Variants in LUZP2 observed in about 807,000 individuals in gnomAD.
The protein encoded by LUZP2 is leucine zipper protein 2.
Under a neutral mutation model 51.6 loss-of-function variants are expected in LUZP2, and 52 were observed. The ratio of observed to expected loss-of-function variants is 1.01; its 90% CI spans 0.81 to 1.27. LUZP2 has a LOEUF of 1.27. LUZP2 is among the 50% of genes most tolerant of loss of function. LUZP2 has a pLI of 0.00. For missense variants in LUZP2, 436 were observed against 395.4 expected, an observed-to-expected ratio of 1.10 and a Z score of -0.87; for synonymous variants, 154 against 137.3, an observed-to-expected ratio of 1.12 and a Z score of -0.85.
intron 5 of LUZP2, among the ~76,000 whole-genome samples, chr11:24,764,988 A>G (rs1315354553): frequency 6.6e-6 from 1 of 152,196 alleles, no homozygotes; most frequent in East Asian, 1.9e-4. Flanking sequence ...TCTGCTAAAT[A>G]TGAGTTTTAT....
chr11:24,582,430 G>C (rs898042165), intron 1 of LUZP2, among the ~76,000 whole-genome samples: 1 of 150,684 alleles, frequency 6.6e-6, no homozygotes, highest in African/African-American at 2.4e-5. Context: ...ACAGTACATA[G>C]GATGTATGTC....
At chr11:24,814,560 A>G (rs1564929139) in intron 5 of LUZP2, among the ~76,000 whole-genome samples, 1 of 152,204 alleles carries the variant, frequency 6.6e-6, no homozygotes, top group Non-Finnish European at 1.5e-5. Flanking sequence ...TTCTAGAGAA[A>G]GTCCTTCCTT....
chr11:24,548,411 T>A (rs1320952765), intron 1 of LUZP2, among the ~76,000 whole-genome samples: 1 of 152,016 alleles, frequency 6.6e-6, no homozygotes, highest in African/African-American at 2.4e-5. Flanking sequence ...GCAACATGGA[T>A]GGCGCTGGAA....
chr11:24,541,572 G>C (rs1851365563), intron 1 of LUZP2, among the ~76,000 whole-genome samples: 3 of 152,030 alleles, frequency 2.0e-5, no homozygotes, highest in Admixed American at 1.3e-4. Flanking sequence ...TGGATGTTTT[G>C]TTGAATTCTC....
intron 7 of LUZP2, among the ~76,000 whole-genome samples, chr11:24,953,825 A>G (rs1855142737): frequency 6.6e-6 from 1 of 152,036 alleles, no homozygotes. Flanking sequence ...TATTTATTCA[A>G]TGATTAGCAA....
At chr11:24,886,517 G>C (rs913485177) in intron 5 of LUZP2, among the ~76,000 whole-genome samples, 3 of 152,108 alleles carry the variant, frequency 2.0e-5, no homozygotes, top group Non-Finnish European at 4.4e-5. Flanking sequence ...TTCTAGCTGG[G>C]AGAAAAATTT....
chr11:24,556,734 G>A (rs958290474), intron 1 of LUZP2, among the ~76,000 whole-genome samples: 8 of 152,122 alleles, frequency 5.3e-5, no homozygotes, highest in Admixed American at 2.0e-4. Context: ...AGGCCATGAT[G>A]ATCTCTGTCC....
chr11:24,894,146 T>C (rs148131382), intron 5 of LUZP2, among the ~76,000 whole-genome samples: 1 of 151,878 alleles, frequency 6.6e-6, no homozygotes, highest in East Asian at 2.0e-4. Context: ...TAAATAAATA[T>C]TTTTAACGAA....
At chr11:24,895,403 G>A (rs1853008428) in intron 5 of LUZP2, among the ~76,000 whole-genome samples, 2 of 151,912 alleles carry the variant, frequency 1.3e-5, no homozygotes, top group Non-Finnish European at 2.9e-5. Flanking sequence ...GGGTGCATGT[G>A]TAGGTGTGTT....
intron 4 of LUZP2, among the ~76,000 whole-genome samples, chr11:24,739,468 A>G (rs577703343): frequency 6.6e-6 from 1 of 152,054 alleles, no homozygotes; most frequent in African/African-American, 2.4e-5. Context: ...TGGAGCATCA[A>G]TGAGAGAGTC....
chr11:24,844,567 G>A (rs1470167427), intron 5 of LUZP2, among the ~76,000 whole-genome samples: 1 of 152,154 alleles, frequency 6.6e-6, no homozygotes, highest in African/African-American at 2.4e-5. Flanking sequence ...GCAGCCAAAT[G>A]TTAATCCCCA....
At chr11:25,020,370 C>A (rs190981666) in intron 9 of LUZP2, among the ~76,000 whole-genome samples, 139 of 152,176 alleles carry the variant, frequency 9.1e-4, no homozygotes, top group African/African-American at 3.1e-3. Flanking sequence ...CCCATTTACC[C>A]TATTGTCTTC....
At position 24,778,977 on chromosome 11, in the gene LUZP2, C is replaced by T. The variant is rs563562129; in HGVS notation, c.396+15669C>T. On this transcript the variant is annotated intron_variant, in intron 5 of 11. Transcript: ENST00000336930. ...TCATTAGTATTTCAAACAGGTGACT[C>T]TAAAATGTGTTTGGATTTGCCTAGA... Among the ~76,000 whole-genome samples the T allele has an allele frequency of 4.1e-4, 63 of 152,256 alleles. 1 individual carries two copies. The highest frequency in any genetic ancestry group is 3.4e-3 in the Admixed American group (52 of 15,294).
chr11:24,511,644 T>C (rs1259145561), intron 1 of LUZP2, among the ~76,000 whole-genome samples: 2 of 152,206 alleles, frequency 1.3e-5, no homozygotes, highest in African/African-American at 4.8e-5. Flanking sequence ...TAGGGCGTGC[T>C]ATCTGAGGTG....
chr11:24,563,160 A>G (rs1852108182), intron 1 of LUZP2, among the ~76,000 whole-genome samples: 2 of 152,334 alleles, frequency 1.3e-5, no homozygotes, highest in South Asian at 4.1e-4. Context: ...AGCTACGAAC[A>G]AGAATGGGTC....
In LUZP2 at chr11:24,737,601, T is replaced by C. The variant is rs907204338; in HGVS notation, c.252-620T>C. On this transcript the variant is annotated intron_variant, in intron 3 of 11. Coordinates refer to ENST00000336930, the MANE Select transcript of LUZP2 (RefSeq NM_001009909.4). ...CAAATTTAGGGAAACATCACTCTTT[T>C]TAAAAAGGGAGACAGGATCCTTATG... Among the ~76,000 whole-genome samples, 3 of 152,082 alleles carry C rather than the reference T, an allele frequency of 2.0e-5. No homozygotes were observed. The South Asian group carries it at 6.2e-4, about 32-fold the overall frequency.
At chr11:24,748,703 C>T (rs1315661087) in intron 4 of LUZP2, among the ~76,000 whole-genome samples, 2 of 152,114 alleles carry the variant, frequency 1.3e-5, no homozygotes, top group Admixed American at 6.5e-5. Flanking sequence ...ATGATCTGCC[C>T]CCCTTGGCCT....
intron 4 of LUZP2, among the ~76,000 whole-genome samples, chr11:24,758,324 CGTGTGTGTGTGT>C (rs34105960): frequency 6.8e-6 from 1 of 148,122 alleles, no homozygotes; most frequent in African/African-American, 2.5e-5. Flanking sequence ...GAATGACTTG[CGTGTGTGTGTGT>C]GTGTGTGTGT....
intron 5 of LUZP2, among the ~76,000 whole-genome samples, chr11:24,769,467 C>A (rs1277132080): frequency 1.3e-5 from 2 of 152,090 alleles, no homozygotes; most frequent in Non-Finnish European, 2.9e-5. Flanking sequence ...ATTACACAAT[C>A]TATATGTGTA....
Sources: gnomAD v4.1 joint callset for allele counts (sites outside exome capture counted in the v4.1 genomes callset) on GRCh38, gnomAD v4.1.1 for gene constraint, MANE v1.5 for transcripts, NCBI Gene and HGNC (gene_info 2026-07-23, HGNC 2026-07-21) for gene names.